Variants in NUDCD1 observed in about 807,000 individuals in gnomAD.
The protein encoded by NUDCD1 is nudC domain-containing protein 1.
In NUDCD1, 60 loss-of-function variants were observed where a neutral mutation model predicts 67.8. The observed-to-expected ratio is 0.88, with a 90% CI of 0.72 to 1.10. The LOEUF (loss-of-function observed/expected upper bound fraction) is 1.10. Among genes scored for constraint, NUDCD1 ranks in the 50% least tolerant of loss-of-function variants. The pLI is 0.00. For missense variants in NUDCD1, 643 were observed against 695.0 expected (o/e 0.93, Z 0.84); for synonymous variants, 244 against 230.8 (o/e 1.06, Z -0.52).
intron 2 of NUDCD1, among the ~76,000 whole-genome samples, chr8:109,310,193 G>A (rs1815209388): frequency 6.6e-6 from 1 of 152,054 alleles, no homozygotes; most frequent in Non-Finnish European, 1.5e-5. Flanking sequence ...AAATATGGAG[G>A]CATCACATTT....
At chr8:109,278,959 G>T (rs893220655) in intron 6 of NUDCD1, among the ~76,000 whole-genome samples, 6 of 152,014 alleles carry the variant, frequency 3.9e-5, no homozygotes, top group African/African-American at 1.4e-4. Flanking sequence ...CAGGCAGATC[G>T]CTTGAGGTCA....
chr8:109,271,954 C>A (rs1814167756), intron 7 of NUDCD1, among the ~76,000 whole-genome samples: 1 of 151,850 alleles, frequency 6.6e-6, no homozygotes, highest in Admixed American at 6.6e-5. Context: ...ACAAAAATAA[C>A]TTTGGAAAAG....
At chr8:109,311,467 C>T (rs903609529) in intron 2 of NUDCD1, among the ~76,000 whole-genome samples, 1 of 151,468 alleles carries the variant, frequency 6.6e-6, no homozygotes, top group Non-Finnish European at 1.5e-5. Context: ...AAGATACTTC[C>T]ACACACGTTT....
chr8:109,285,677 C>T (rs927753573), intron 5 of NUDCD1, among the ~76,000 whole-genome samples: 1 of 152,028 alleles, frequency 6.6e-6, no homozygotes, highest in East Asian at 1.9e-4. Flanking sequence ...ATAACAAGAG[C>T]CATCTATGAC....
intron 4 of NUDCD1, 44 bp downstream of exon 4, chr8:109,293,300 A>T: frequency 9.3e-7 from 1 of 1,077,286 alleles, no homozygotes; most frequent in Non-Finnish European, 1.3e-6. Context: ...AAAATCTACT[A>T]AATAATGCCA....
chr8:109,273,484 T>TA (rs1028863362), intron 7 of NUDCD1, among the ~76,000 whole-genome samples: 1 of 151,836 alleles, frequency 6.6e-6, no homozygotes, highest in African/African-American at 2.4e-5. Context: ...AAAAATCAAC[T>TA]AAGTATCACC....
At position 109,241,797 on chromosome 8, in the gene NUDCD1, TTCTTA is replaced by T; in HGVS notation, c.*1207_*1211del. The T allele has an allele frequency of 3.2e-6, 1 of 309,358 alleles. No homozygotes were observed. Among genetic ancestry groups the T allele is most frequent in the East Asian group, 5.1e-5 (1 of 19,556 alleles). 19.2% of individuals were successfully genotyped at this position (309,358 alleles called of 1,614,324 possible). A position where few individuals can be genotyped will look rare whatever the true frequency, so the allele number is the denominator to read the frequency against. On this transcript the variant is annotated 3_prime_UTR_variant, in exon 10 of 10. Coordinates refer to ENST00000239690, the MANE Select transcript of NUDCD1 (RefSeq NM_032869.4). ...GGAACAAAGCTTTTCTATCTTATAT[TTCTTA>T]TCTTAATCTTCTGCCTCTTAAATGA...
intron 5 of NUDCD1, among the ~76,000 whole-genome samples, chr8:109,284,030 G>A (rs559921581): frequency 3.9e-4 from 59 of 150,172 alleles, no homozygotes; most frequent in African/African-American, 5.9e-4. Flanking sequence ...AAGGCCCATC[G>A]GCATTCTACA....
At chr8:109,270,298 G>A (rs1814119360) in intron 8 of NUDCD1, among the ~76,000 whole-genome samples, 1 of 148,896 alleles carries the variant, frequency 6.7e-6, no homozygotes, top group South Asian at 2.1e-4. Context: ...CTTCACAAAA[G>A]AAATAGTTAT....
At chr8:109,275,937 T>C (rs1282160389) in intron 6 of NUDCD1, among the ~76,000 whole-genome samples, 2 of 152,170 alleles carry the variant, frequency 1.3e-5, no homozygotes, top group Non-Finnish European at 2.9e-5. Flanking sequence ...CAATTAACTT[T>C]ATTTTCACAA....
intron 1 of NUDCD1, among the ~76,000 whole-genome samples, chr8:109,331,459 TG>T (rs1815803925): frequency 5.1e-5 from 7 of 138,400 alleles, no homozygotes; most frequent in Admixed American, 1.6e-4. Context: ...GAGGTTGCAA[TG>T]AGACGAGATC....
In NUDCD1 at chr8:109,289,738, G is replaced by A. The variant is rs749321739; in HGVS notation, c.823+13C>T. 1 of 1,293,218 alleles carries A rather than the reference G, an allele frequency of 7.7e-7. No individual in the cohort carries two copies. Among genetic ancestry groups the A allele is most frequent in the Non-Finnish European group, 1.1e-6 (1 of 909,530 alleles). The allele number at this position is 1,293,218 out of a possible 1,614,324, so 80.1% of individuals were successfully genotyped here. ...TGAAAATACCAATAAGCTCTATTAA[G>A]AATAAAAATTACCTTTGATTTTCTC... On this transcript the variant is annotated intron_variant, in intron 5 of 9. Coordinates refer to ENST00000239690, the MANE Select transcript of NUDCD1 (RefSeq NM_032869.4).
chr8:109,306,934 C>G (rs956853994), intron 2 of NUDCD1, among the ~76,000 whole-genome samples: 1 of 152,088 alleles, frequency 6.6e-6, no homozygotes, highest in South Asian at 2.1e-4. Flanking sequence ...TGAGAAACAT[C>G]GCCCATTATC....
In NUDCD1 at chr8:109,245,433, T is replaced by A. The variant is rs1813470936; in HGVS notation, c.1348A>T (p.Lys450Ter). The A allele has an allele frequency of 1.2e-6, 2 of 1,613,656 alleles. No individual in the cohort carries two copies. Among genetic ancestry groups the A allele is most frequent in the South Asian group, 2.2e-5 (2 of 91,048 alleles). The change falls in exon 9 of 10, where the codon AAA (lysine) becomes TAA (stop). Residue 450 changes from lysine to a stop codon, truncating the protein, a stop_gained. Coordinates refer to ENST00000239690, the MANE Select transcript of NUDCD1 (RefSeq NM_032869.4). LOFTEE classifies it high-confidence loss of function. ...QYLFSVIVDP[K>*]EMPCFCLRHD... ...CGCAAACAGAAGCAGGGCATTTCTTTAGGATCCACTATGACAGAGAAAAGG... is the reference window on the plus strand; with the variant it reads ...CGCAAACAGAAGCAGGGCATTTCTTAAGGATCCACTATGACAGAGAAAAGG...
At chr8:109,280,716 T>G (rs551129612) in intron 6 of NUDCD1, among the ~76,000 whole-genome samples, 9 of 152,348 alleles carry the variant, frequency 5.9e-5, no homozygotes, top group African/African-American at 1.9e-4. Context: ...TCACCTATGA[T>G]TATTATTGTA....
chr8:109,289,682 T>C, intron 5 of NUDCD1, 69 bp downstream of exon 5: 1 of 807,856 alleles, frequency 1.2e-6, no homozygotes, highest in South Asian at 1.9e-5. Context: ...TTAACCTAAC[T>C]GGGAAAATAA....
chr8:109,251,807 A>G (rs1004918551), intron 8 of NUDCD1, among the ~76,000 whole-genome samples: 1 of 151,740 alleles, frequency 6.6e-6, no homozygotes, highest in Non-Finnish European at 1.5e-5. Flanking sequence ...CTTTAGATTT[A>G]GTTTGCTCTT....
At position 109,333,621 on chromosome 8, in the gene NUDCD1, C is replaced by T. The variant is rs1428235278; in HGVS notation, c.118+272G>A. Reference sequence around the variant, plus strand: ...ACAGCAGCCAGAGCCCCAGGCACTACCCGCACGCCAGCCCTCAGACCTCAG... The same window carrying T: ...ACAGCAGCCAGAGCCCCAGGCACTATCCGCACGCCAGCCCTCAGACCTCAG... On this transcript the variant is annotated intron_variant, in intron 1 of 9. Coordinates refer to ENST00000239690, the MANE Select transcript of NUDCD1 (RefSeq NM_032869.4). Among the ~76,000 whole-genome samples the T allele has an allele frequency of 2.6e-5, 4 of 152,138 alleles. No homozygotes were observed. In the East Asian group the frequency reaches 5.8e-4, roughly 22 times the overall value.
chr8:109,273,349 C>T (rs1318115904), intron 7 of NUDCD1, among the ~76,000 whole-genome samples: 1 of 151,832 alleles, frequency 6.6e-6, no homozygotes, highest in African/African-American at 2.4e-5. Flanking sequence ...AGACTGAAGC[C>T]CAGCATCAAA....
Sources: gnomAD v4.1 joint callset for allele counts (sites outside exome capture counted in the v4.1 genomes callset) on GRCh38, gnomAD v4.1.1 for gene constraint, MANE v1.5 for transcripts, NCBI Gene and HGNC (gene_info 2026-07-23, HGNC 2026-07-21) for gene names.